Variants in LIMS1 observed in about 807,000 individuals in gnomAD.
LIMS1 encodes the protein LIM and senescent cell antigen-like-containing domain protein 1.
In LIMS1, 18 loss-of-function variants were observed where a neutral mutation model predicts 44.1. The ratio of observed to expected loss-of-function variants is 0.41; its 90% CI spans 0.28 to 0.61. The LOEUF is 0.61. Among genes scored for constraint, LIMS1 ranks in the 20% least tolerant of loss-of-function variants. The pLI is 0.32. For synonymous variants in LIMS1, 93 were observed against 149.1 expected, an observed-to-expected ratio of 0.62 and a Z score of 2.74; for missense variants, 201 against 422.0, an observed-to-expected ratio of 0.48 and a Z score of 4.59.
At chr2:108,603,307 C>T (rs1360093856) in intron 1 of LIMS1, among the ~76,000 whole-genome samples, 1 of 152,004 alleles carries the variant, frequency 6.6e-6, no homozygotes, top group African/African-American at 2.4e-5. Context: ...GCTTTGATCT[C>T]GTTACTTGTT....
intron 1 of LIMS1, among the ~76,000 whole-genome samples, chr2:108,631,781 G>A (rs554815224): frequency 1.2e-4 from 18 of 152,294 alleles, no homozygotes; most frequent in African/African-American, 3.1e-4. Context: ...TAAGCCCTGG[G>A]TCTGGGAGCA....
rs180720381 is a variant in LIMS1 at position 108,597,044 on chromosome 2, G to A, written c.32+62450G>A. Among the ~76,000 whole-genome samples the A allele has an allele frequency of 4.1e-3, 615 of 148,954 alleles. 13 individuals carry two copies. Among genetic ancestry groups the A allele is most frequent in the Admixed American group, 0.039 (578 of 14,720 alleles). On this transcript the variant is annotated intron_variant, in intron 1 of 9. Coordinates refer to ENST00000544547, the Ensembl canonical transcript of LIMS1. Reference sequence around the variant, plus strand: ...CTGCCTCAGCCTCCCGAGAAGCTGGGATTACAGGCACGTACCACCACACCC... The same window carrying A: ...CTGCCTCAGCCTCCCGAGAAGCTGGAATTACAGGCACGTACCACCACACCC...
chr2:108,674,519 G>A (rs1358753926), intron 5 of LIMS1, among the ~76,000 whole-genome samples: 2 of 149,626 alleles, frequency 1.3e-5, no homozygotes, highest in Non-Finnish European at 3.0e-5. Context: ...TCAGGAGATC[G>A]AGACCATCCT....
intron 1 of LIMS1, among the ~76,000 whole-genome samples, chr2:108,602,111 A>T (rs1012004588): frequency 3.9e-5 from 6 of 152,130 alleles, no homozygotes; most frequent in African/African-American, 1.4e-4. Context: ...GTCATTCACT[A>T]TTGGCATATA....
At chr2:108,556,187 A>C (rs1684920072) in intron 1 of LIMS1, among the ~76,000 whole-genome samples, 1 of 152,198 alleles carries the variant, frequency 6.6e-6, no homozygotes, top group African/African-American at 2.4e-5. Context: ...TATAAGTAGA[A>C]TCATATATTT....
rs144078197 is a variant in LIMS1 at position 108,561,677 on chromosome 2, C to T, written c.32+27083C>T. Reference sequence around the variant, plus strand: ...CTGTGTGTCACACTTTGGTAATTCTCACAATATTTCAAACTTCTTTGTTAT... The same window carrying T: ...CTGTGTGTCACACTTTGGTAATTCTTACAATATTTCAAACTTCTTTGTTAT... On this transcript the variant is annotated intron_variant, in intron 1 of 9. Transcript: ENST00000544547. Among the ~76,000 whole-genome samples, 668 of 152,038 alleles carry T rather than the reference C, an allele frequency of 4.4e-3. 4 individuals are homozygous for T. Among genetic ancestry groups the T allele is most frequent in the South Asian group, 0.014 (68 of 4,800 alleles).
At chr2:108,644,930 C>T (rs1465043967) in intron 1 of LIMS1, among the ~76,000 whole-genome samples, 3 of 151,630 alleles carry the variant, frequency 2.0e-5, no homozygotes, top group South Asian at 2.1e-4. Context: ...TGAAATAAAG[C>T]GTGAAGACAA....
At chr2:108,602,690 G>GAATTCTGT (rs1687077527) in intron 1 of LIMS1, among the ~76,000 whole-genome samples, 1 of 152,144 alleles carries the variant, frequency 6.6e-6, no homozygotes, top group African/African-American at 2.4e-5. Context: ...TTGTGTTGTT[G>GAATTCTGT]AATTCTGTTT....
intron 1 of LIMS1, among the ~76,000 whole-genome samples, chr2:108,633,930 G>A (rs984762374): frequency 6.6e-6 from 1 of 152,170 alleles, no homozygotes; most frequent in Non-Finnish European, 1.5e-5. Flanking sequence ...GAGCTCCATC[G>A]TGGTGTTTCT....
intron 1 of LIMS1, among the ~76,000 whole-genome samples, chr2:108,594,735 G>A (rs1686578183): frequency 1.3e-5 from 2 of 152,126 alleles, no homozygotes; most frequent in South Asian, 4.1e-4. Context: ...ATATCAAACT[G>A]TCATCATGTC....
intron 2 of LIMS1, among the ~76,000 whole-genome samples, chr2:108,662,959 T>C (rs1338138971): frequency 6.6e-6 from 1 of 152,228 alleles, no homozygotes; most frequent in African/African-American, 2.4e-5. Context: ...ACTTTTATGG[T>C]AGAACTTTCT....
At chr2:108,576,851 A>C (rs940833337) in intron 1 of LIMS1, among the ~76,000 whole-genome samples, 1 of 152,138 alleles carries the variant, frequency 6.6e-6, no homozygotes, top group Non-Finnish European at 1.5e-5. Context: ...ACATTTGGTA[A>C]ATATCCTAAA....
intron 2 of LIMS1, among the ~76,000 whole-genome samples, chr2:108,661,315 G>A (rs183971021): frequency 2.9e-3 from 422 of 147,434 alleles, no homozygotes; most frequent in Non-Finnish European, 4.5e-3. Flanking sequence ...AGAGGTTTTC[G>A]TTTTCTCTTT....
At chr2:108,597,507 C>G (rs145741077) in intron 1 of LIMS1, among the ~76,000 whole-genome samples, 42 of 152,222 alleles carry the variant, frequency 2.8e-4, no homozygotes, top group African/African-American at 1.0e-3. Flanking sequence ...TTCTAGCATA[C>G]AACATCAAGT....
chr2:108,591,784 T>C (rs1686409193), intron 1 of LIMS1, among the ~76,000 whole-genome samples: 1 of 131,814 alleles, frequency 7.6e-6, no homozygotes, highest in African/African-American at 2.7e-5. Flanking sequence ...TTAAAAATGT[T>C]TTTAGTTTTT....
chr2:108,635,691 C>T (rs1490945187), intron 1 of LIMS1, among the ~76,000 whole-genome samples: 2 of 152,058 alleles, frequency 1.3e-5, no homozygotes, highest in East Asian at 3.8e-4. Flanking sequence ...CAGAGCAAGA[C>T]TCCATCTCAA....
chr2:108,574,251 G>A (rs1310675762), intron 1 of LIMS1, among the ~76,000 whole-genome samples: 2 of 152,276 alleles, frequency 1.3e-5, no homozygotes, highest in Non-Finnish European at 2.9e-5. Context: ...ACAAGATCAG[G>A]GAAGGGGCTT....
At chr2:108,639,334 T>A (rs1252260732) in intron 1 of LIMS1, among the ~76,000 whole-genome samples, 1 of 152,218 alleles carries the variant, frequency 6.6e-6, no homozygotes, top group East Asian at 1.9e-4. Flanking sequence ...AAATCGTATG[T>A]CCTTTGTATG....
At chr2:108,670,456 G>A (rs796497891) in intron 2 of LIMS1, among the ~76,000 whole-genome samples, 14 of 152,214 alleles carry the variant, frequency 9.2e-5, no homozygotes, top group African/African-American at 3.4e-4. Context: ...GGAGGGAGAG[G>A]TGATCCATAG....
Sources: allele counts gnomAD v4.1 joint callset (sites outside exome capture counted in the v4.1 genomes callset), GRCh38; gene constraint gnomAD v4.1.1; transcripts MANE v1.5; gene names NCBI Gene and HGNC (gene_info 2026-07-23, HGNC 2026-07-21).